AGAP1: variants seen among roughly 807,000 people sequenced by gnomAD.
AGAP1 encodes ArfGAP with GTPase domain, ankyrin repeat and PH domain 1, also known as arf-GAP with GTPase, ANK repeat and PH domain-containing protein 1.
In AGAP1, 29 loss-of-function variants were observed where a neutral mutation model predicts 105.3. That is an observed-to-expected ratio of 0.28 (90% confidence interval 0.21 to 0.38). The LOEUF is 0.38. Among genes scored for constraint, AGAP1 ranks in the 10% least tolerant of loss-of-function variants. AGAP1 has a pLI of 1.00. For synonymous variants in AGAP1, 509 were observed against 485.9 expected, an observed-to-expected ratio of 1.05 and a Z score of -0.63; for missense variants, 998 against 1,165.1, an observed-to-expected ratio of 0.86 and a Z score of 2.09.
chr2:235,680,611 A>G (rs1283690872), intron 1 of AGAP1, among the ~76,000 whole-genome samples: 1 of 151,930 alleles, frequency 6.6e-6, no homozygotes, highest in East Asian at 1.9e-4. Flanking sequence ...GCAGGGAGCA[A>G]GTGACATCCA....
rs952260456 is a variant in AGAP1, at chr2:236,002,839, G to T, written c.1646-33722G>T. Among the ~76,000 whole-genome samples the T allele has an allele frequency of 3.3e-5, 5 of 151,994 alleles. No individual in the cohort carries two copies. Among genetic ancestry groups the T allele is most frequent in the African/African-American group, 1.2e-4 (5 of 41,366 alleles). On this transcript the variant is annotated intron_variant, in intron 13 of 17. Coordinates refer to ENST00000304032, the MANE Select transcript of AGAP1 (RefSeq NM_001037131.3). The surrounding 1 kb of genome is among the most constrained non-coding windows in gnomAD (Gnocchi z 4.3). ...ATTTCTTGCGTTGAATTCAGTATGT[G>T]CTCAAGTTAAGTGTGATTTGAAAAA...
At chr2:235,505,078 C>T (rs10202576) in intron 1 of AGAP1, among the ~76,000 whole-genome samples, 125,633 of 152,112 alleles carry the variant, frequency 0.83, 52,017 homozygotes, top group Middle Eastern at 0.92. Context: ...TCAATCCATC[C>T]CTGTGCTGGG....
chr2:236,052,878 A>C (rs1490500908), intron 16 of AGAP1, among the ~76,000 whole-genome samples: 1 of 152,130 alleles, frequency 6.6e-6, no homozygotes, highest in Non-Finnish European at 1.5e-5. Context: ...TCCCCTCTCT[A>C]ATTGCTATTG....
intron 1 of AGAP1, among the ~76,000 whole-genome samples, chr2:235,677,515 T>A (rs1331284671): frequency 1.3e-5 from 2 of 152,172 alleles, no homozygotes; most frequent in Non-Finnish European, 2.9e-5. Flanking sequence ...TTTGAATCTG[T>A]TTCTGGTGTG....
rs772659082 is a variant in AGAP1, at chr2:235,930,964, A to G, written c.1483+41A>G. On this transcript the variant is annotated intron_variant, in intron 12 of 17. Coordinates refer to ENST00000304032, the MANE Select transcript of AGAP1 (RefSeq NM_001037131.3). The surrounding 1 kb of genome is among the most constrained non-coding windows in gnomAD (Gnocchi z 7.9). Reference sequence around the variant, plus strand: ...GCCCCACGGACCCGCAGCCACCTCAAGGTCCTTCGTTGTAAGCCAGGGGCT... The same window carrying G: ...GCCCCACGGACCCGCAGCCACCTCAGGGTCCTTCGTTGTAAGCCAGGGGCT... 21 of 1,602,152 alleles carry G rather than the reference A, an allele frequency of 1.3e-5. No individual in the cohort carries two copies. In the East Asian group the frequency reaches 2.7e-4, roughly 21 times the overall value.
intron 1 of AGAP1, among the ~76,000 whole-genome samples, chr2:235,527,932 A>G (rs1942903265): frequency 6.6e-6 from 1 of 152,182 alleles, no homozygotes; most frequent in Non-Finnish European, 1.5e-5. Flanking sequence ...GAGCATCTTC[A>G]CCAAATTCTG....
At position 235,747,121 on chromosome 2, in the gene AGAP1, G is replaced by A. The variant is rs950905747; in HGVS notation, c.538+2282G>A. Among the ~76,000 whole-genome samples the A allele has an allele frequency of 1.3e-5, 2 of 151,950 alleles. No individual in the cohort carries two copies. Among genetic ancestry groups the A allele is most frequent in the African/African-American group, 4.8e-5 (2 of 41,356 alleles). On this transcript the variant is annotated intron_variant, in intron 5 of 17. Coordinates refer to ENST00000304032, the MANE Select transcript of AGAP1 (RefSeq NM_001037131.3). The surrounding 1 kb of genome is among the most constrained non-coding windows in gnomAD (Gnocchi z 5.0). ...TTTTGTTCCTCATATTTCAATCTGC[G>A]ACCAGTGTTCCAGGGTCCTGCCTGG...
chr2:236,122,842 G>A (rs2059933286), intron 17 of AGAP1, among the ~76,000 whole-genome samples: 1 of 151,728 alleles, frequency 6.6e-6, no homozygotes, highest in South Asian at 2.1e-4. Context: ...ACACCACCAT[G>A]CCCAGATAAT....
chr2:235,502,856 C>G (rs1941624301), intron 1 of AGAP1, among the ~76,000 whole-genome samples: 1 of 152,070 alleles, frequency 6.6e-6, no homozygotes, highest in African/African-American at 2.4e-5. Context: ...ATGTTGATTT[C>G]CAGCTTAGGA....
chr2:236,027,840 A>G lies in AGAP1; in HGVS notation c.1646-8721A>G, dbSNP rs764853921. On this transcript the variant is annotated intron_variant, in intron 13 of 17. Coordinates refer to ENST00000304032, the MANE Select transcript of AGAP1 (RefSeq NM_001037131.3). The surrounding 1 kb of genome is among the most constrained non-coding windows in gnomAD (Gnocchi z 4.4). ...TGGCGTTTAGACCTGCCCTGTGATC[A>G]CAGGGCCTTTGTGCATGCTACATAC... Among the ~76,000 whole-genome samples the G allele has an allele frequency of 5.9e-5, 9 of 152,132 alleles. No homozygotes were observed. Among genetic ancestry groups the G allele is most frequent in the African/African-American group, 1.2e-4 (5 of 41,422 alleles).
rs2058199977 is a variant in AGAP1 at position 236,061,704 on chromosome 2, G to A, written c.2114+12423G>A. Among the ~76,000 whole-genome samples, 1 of 151,992 alleles carries A rather than the reference G, an allele frequency of 6.6e-6. No homozygotes were observed. Among genetic ancestry groups the A allele is most frequent in the Admixed American group, 6.6e-5 (1 of 15,264 alleles). ...GCTTGCCAGGTGCAGGGGAGGGAGGGGCAGTGGCGTATACGGAGTGATTGC... is the reference window on the plus strand; with the variant it reads ...GCTTGCCAGGTGCAGGGGAGGGAGGAGCAGTGGCGTATACGGAGTGATTGC... On this transcript the variant is annotated intron_variant, in intron 16 of 17. Transcript: ENST00000304032. The surrounding 1 kb of genome is among the most constrained non-coding windows in gnomAD (Gnocchi z 4.1).
At position 235,879,429 on chromosome 2, in the gene AGAP1, G is replaced by T. The variant is rs1025441915; in HGVS notation, c.1051-3916G>T. Among the ~76,000 whole-genome samples, 3 of 152,188 alleles carry T rather than the reference G, an allele frequency of 2.0e-5. No individual in the cohort carries two copies. The highest frequency in any genetic ancestry group is 6.5e-5 in the Admixed American group (1 of 15,284). ...AAGGCAGAAATATGACTCCTAAGAG[G>T]CCAGGGTATTCTGTAGTCCTGCCAC... On this transcript the variant is annotated intron_variant, in intron 9 of 17. Transcript: ENST00000304032. The surrounding 1 kb of genome is among the most constrained non-coding windows in gnomAD (Gnocchi z 5.0).
rs1322630326 is a variant in AGAP1 at position 235,882,563 on chromosome 2, A to G, written c.1051-782A>G. The stretch of plus-strand genomic sequence containing the variant: ...CTGCAACACTCTGCCTCCTGGGTTC[A>G]AGCAATTCCCCTGCTCAGCCTCCCC... On this transcript the variant is annotated intron_variant, in intron 9 of 17. Coordinates refer to ENST00000304032, the MANE Select transcript of AGAP1 (RefSeq NM_001037131.3). This position sits in a 1 kb window ranked among gnomAD's most constrained non-coding sequence, Gnocchi z 4.6. The G allele has an allele frequency of 1.4e-6, 1 of 712,956 alleles. No individual in the cohort carries two copies. Among genetic ancestry groups the G allele is most frequent in the Non-Finnish European group, 2.3e-6 (1 of 435,412 alleles). The allele number at this position is 712,956 out of a possible 1,614,324, so 44.2% of individuals were successfully genotyped here. A position where few individuals can be genotyped will look rare whatever the true frequency, so the allele number is the denominator to read the frequency against.
Position 236,117,840 on chromosome 2 carries a change from C to T in AGAP1, c.2115-2352C>T, listed in dbSNP as rs564886508. ...CTTCTTTTTGTCTGTCTCCTGAACC[C>T]GTATTTCCCAGACATTGTCAGTGCT... On this transcript the variant is annotated intron_variant, in intron 16 of 17. Coordinates refer to ENST00000304032, the MANE Select transcript of AGAP1 (RefSeq NM_001037131.3). Among the ~76,000 whole-genome samples the T allele has an allele frequency of 2.4e-3, 358 of 152,200 alleles. 1 individual carries two copies. Among genetic ancestry groups the T allele is most frequent in the African/African-American group, 8.3e-3 (344 of 41,516 alleles).
intron 13 of AGAP1, among the ~76,000 whole-genome samples, chr2:236,028,013 A>G (rs955303105): frequency 4.6e-5 from 7 of 152,152 alleles, no homozygotes; most frequent in Admixed American, 1.3e-4. Flanking sequence ...CCAGGTTTAG[A>G]GTTATTGCAC....
chr2:235,917,604 G>T (rs1335053995), intron 11 of AGAP1, among the ~76,000 whole-genome samples: 2 of 152,060 alleles, frequency 1.3e-5, no homozygotes, highest in Non-Finnish European at 2.9e-5. Flanking sequence ...TGATTAACGT[G>T]GTGCACTTGG....
At chr2:235,834,680 T>G (rs977340488) in intron 9 of AGAP1, among the ~76,000 whole-genome samples, 3 of 152,190 alleles carry the variant, frequency 2.0e-5, no homozygotes, top group African/African-American at 7.2e-5. Flanking sequence ...AGGAGGTCCC[T>G]GCGAGGTCCC....
rs1945723816 is a variant in AGAP1, at chr2:235,601,313, G to A, written c.163+106464G>A. ...GGCGAGAAGGGAAGGAGAAAGAGAT[G>A]GAGACAGGTTTGCTGTCTCTTCCTC... On this transcript the variant is annotated intron_variant, in intron 1 of 17. Coordinates refer to ENST00000304032, the MANE Select transcript of AGAP1 (RefSeq NM_001037131.3). The surrounding 1 kb of genome is among the most constrained non-coding windows in gnomAD (Gnocchi z 4.4). 6.6e-6 allele frequency among the ~76,000 whole-genome samples: 1 copy of A among 152,168 alleles called. No homozygotes were observed. Among genetic ancestry groups the A allele is most frequent in the African/African-American group, 2.4e-5 (1 of 41,448 alleles).
rs371335993 is a variant in AGAP1, at chr2:235,959,535, G to T, written c.1484-8927G>T. 2.6e-5 allele frequency among the ~76,000 whole-genome samples: 4 copies of T among 152,132 alleles called. No homozygotes were observed. The highest frequency in any genetic ancestry group is 9.7e-5 in the African/African-American group (4 of 41,438). ...GTCCTTCTTGCCATGAGAACACCCA[G>T]CCCAGGAGAGGTCAGGGCCTGGCCT... On this transcript the variant is annotated intron_variant, in intron 12 of 17. Transcript: ENST00000304032. This position sits in a 1 kb window ranked among gnomAD's most constrained non-coding sequence, Gnocchi z 7.3.
Sources: gnomAD v4.1 joint callset for allele counts (sites outside exome capture counted in the v4.1 genomes callset) on GRCh38, gnomAD v4.1.1 for gene constraint, Gnocchi (gnomAD v3.1) non-coding constraint, MANE v1.5 for transcripts, NCBI Gene and HGNC (gene_info 2026-07-23, HGNC 2026-07-21) for gene names.